The following PTPRT variants were observed in gnomAD, a reference collection of about 807,000 sequenced individuals.
PTPRT encodes receptor-type tyrosine-protein phosphatase T.
A neutral mutation model predicts 176.8 loss-of-function variants in PTPRT; 56 were observed. The observed-to-expected ratio is 0.32, with a 90% confidence interval of 0.26 to 0.40. The LOEUF (loss-of-function observed/expected upper bound fraction) is 0.40, where lower values mean the gene tolerates loss of function less well. PTPRT is among the 10% of genes least tolerant of loss of function. The pLI is 1.00. For missense variants in PTPRT, 1,540 were observed against 1,908.2 expected (o/e 0.81, Z 3.60); for synonymous variants, 783 against 739.0 (o/e 1.06, Z -0.96).
At chr20:42,227,238 G>A (rs1303674938) in intron 15 of PTPRT, among the ~76,000 whole-genome samples, 2 of 152,106 alleles carry the variant, frequency 1.3e-5, no homozygotes, top group Non-Finnish European at 2.9e-5. Flanking sequence ...AAAAAGAAAG[G>A]GAGTGGGCAG....
intron 21 of PTPRT, chr20:42,116,221 A>T (rs1373263575): frequency 1.6e-6 from 1 of 628,174 alleles, no homozygotes; most frequent in Non-Finnish European, 2.9e-6. Flanking sequence ...AGGACTATTC[A>T]GCTTCTTTCT....
At chr20:42,332,651 T>G (rs994566939) in intron 11 of PTPRT, among the ~76,000 whole-genome samples, 19 of 152,202 alleles carry the variant, frequency 1.2e-4, no homozygotes, top group Non-Finnish European at 2.4e-4. Flanking sequence ...CATTTTTTTT[T>G]TTTGAGAATA....
chr20:42,495,882 G>T lies in PTPRT; in HGVS notation c.1154-23320C>A, dbSNP rs535143335. The stretch of plus-strand genomic sequence containing the variant: ...CTTGTATATAATGCAAGGGTTAGAG[G>T]TGCCAACCTCCCACCCCCACACAGT... On this transcript the variant is annotated intron_variant, in intron 7 of 30. Transcript: ENST00000373187. Among the ~76,000 whole-genome samples the T allele has an allele frequency of 1.3e-4, 20 of 152,152 alleles. No homozygotes were observed. The South Asian group carries it at 4.2e-3, about 32-fold the overall frequency.
intron 9 of PTPRT, among the ~76,000 whole-genome samples, chr20:42,383,387 C>G (rs2058714321): frequency 6.6e-6 from 1 of 150,742 alleles, no homozygotes; most frequent in South Asian, 2.1e-4. Flanking sequence ...TCTTGCCATG[C>G]TGGCAGAAGG....
At position 42,166,936 on chromosome 20, in the gene PTPRT, G is replaced by A. The variant is rs200015586; in HGVS notation, c.2492-5394C>T. The stretch of plus-strand genomic sequence containing the variant: ...GACTCCATCTTAGAAAAAAAAAAAA[G>A]GGGGGTCTGTTCATGTTGCATGAGG... On this transcript the variant is annotated intron_variant, in intron 16 of 30. Coordinates refer to ENST00000373187, the MANE Select transcript of PTPRT (RefSeq NM_007050.6). Among the ~76,000 whole-genome samples, 1,314 of 150,018 alleles carry A rather than the reference G, an allele frequency of 8.8e-3. 22 individuals are homozygous for A. Among genetic ancestry groups the A allele is most frequent in the African/African-American group, 0.03 (1,216 of 39,874 alleles).
At chr20:42,622,615 T>C (rs1016460442) in intron 7 of PTPRT, among the ~76,000 whole-genome samples, 1 of 151,718 alleles carries the variant, frequency 6.6e-6, no homozygotes, top group Non-Finnish European at 1.5e-5. Flanking sequence ...TTTGGCTCCA[T>C]TGTTGGGTGG....
At chr20:42,723,260 A>AT (rs1371776128) in intron 6 of PTPRT, among the ~76,000 whole-genome samples, 1 of 152,090 alleles carries the variant, frequency 6.6e-6, no homozygotes, top group African/African-American at 2.4e-5. Flanking sequence ...TACCATCTTC[A>AT]TTTTGCCAAT....
intron 1 of PTPRT, among the ~76,000 whole-genome samples, chr20:42,978,264 G>A (rs1983070201): frequency 6.6e-6 from 1 of 152,206 alleles, no homozygotes; most frequent in Non-Finnish European, 1.5e-5. Flanking sequence ...ATCAAAGTAT[G>A]TGAATGTGAT....
rs145416917 is a variant in PTPRT, at chr20:43,105,097, A to G, written c.88+84549T>C. Among the ~76,000 whole-genome samples the G allele has an allele frequency of 2.5e-3, 379 of 152,254 alleles. 2 individuals carry two copies. Among genetic ancestry groups the G allele is most frequent in the African/African-American group, 8.7e-3 (363 of 41,552 alleles). ...GGTCTGGAAACACATCCAGATGGAC[A>G]GGGGAAGGTAGAGTGTAAGCAAGGT... On this transcript the variant is annotated intron_variant, in intron 1 of 30. Transcript: ENST00000373187.
At chr20:42,472,682 G>A in intron 7 of PTPRT, 120 bp from the exon 8 acceptor site, 1 of 1,008,662 alleles carries the variant, frequency 9.9e-7, no homozygotes, top group Non-Finnish European at 1.4e-6. Context: ...TTCAATCACT[G>A]CCATCATGAT....
chr20:42,130,161 G>A (rs1018447100), intron 18 of PTPRT, among the ~76,000 whole-genome samples: 1 of 152,222 alleles, frequency 6.6e-6, no homozygotes, highest in Non-Finnish European at 1.5e-5. Context: ...AACCACTTCA[G>A]ATATACCCAG....
intron 13 of PTPRT, among the ~76,000 whole-genome samples, chr20:42,260,928 C>T (rs1275184444): frequency 3.3e-5 from 5 of 152,184 alleles, no homozygotes; most frequent in African/African-American, 1.2e-4. Flanking sequence ...CTCTGGATGG[C>T]AGCTCTTGGC....
intron 18 of PTPRT, among the ~76,000 whole-genome samples, chr20:42,136,232 CTTTTTTTTTTT>C (rs397864699): frequency 1.3e-4 from 8 of 63,036 alleles, no homozygotes; most frequent in South Asian, 9.0e-4. Flanking sequence ...AAGAACAGTG[CTTTTTTTTTTT>C]TTTTTTTTTT....
At chr20:42,543,963 T>A (rs371008811) in intron 7 of PTPRT, among the ~76,000 whole-genome samples, 10 of 152,190 alleles carry the variant, frequency 6.6e-5, no homozygotes, top group African/African-American at 2.4e-4. Context: ...TAAACAAATG[T>A]GCTGTCATCC....
Position 42,358,705 on chromosome 20 carries a change from T to G in PTPRT, c.1561-6420A>C, listed in dbSNP as rs543107365. On this transcript the variant is annotated intron_variant, in intron 9 of 30. Coordinates refer to ENST00000373187, the MANE Select transcript of PTPRT (RefSeq NM_007050.6). ...TTGTGCAAAGTAGAAAAGGTGCCTGTCTCAACTCAGTCTCAGCCCCCTGTA... is the reference window on the plus strand; with the variant it reads ...TTGTGCAAAGTAGAAAAGGTGCCTGGCTCAACTCAGTCTCAGCCCCCTGTA... Among the ~76,000 whole-genome samples, 4 of 152,330 alleles carry G rather than the reference T, an allele frequency of 2.6e-5. No homozygotes were observed. In the East Asian group the frequency reaches 5.8e-4, roughly 22 times the overall value.
intron 1 of PTPRT, among the ~76,000 whole-genome samples, chr20:43,055,094 A>G (rs980112853): frequency 1.3e-5 from 2 of 152,194 alleles, no homozygotes; most frequent in Non-Finnish European, 2.9e-5. Context: ...AAGCAATTTT[A>G]TTAATATACT....
At chr20:42,979,374 A>C (rs1416883318) in intron 1 of PTPRT, among the ~76,000 whole-genome samples, 1 of 152,092 alleles carries the variant, frequency 6.6e-6, no homozygotes, top group Non-Finnish European at 1.5e-5. Context: ...ACAAATGTTT[A>C]TGAATTTTAC....
At chr20:42,829,979 C>G (rs559192562) in intron 2 of PTPRT, among the ~76,000 whole-genome samples, 1 of 151,988 alleles carries the variant, frequency 6.6e-6, no homozygotes, top group African/African-American at 2.4e-5. Context: ...AAAACAAGCC[C>G]AGGACCAGAA....
Position 42,276,558 on chromosome 20 carries a change from T to TATA in PTPRT, c.2176+5930_2176+5931insTAT, listed in dbSNP as rs1568731969. ...ATATATATATATATATATATATATATAATGTTCTTGAATACTTGGTAGAAA... is the reference window on the plus strand; with the variant it reads ...ATATATATATATATATATATATATATATAAATGTTCTTGAATACTTGGTAGAAA... On this transcript the variant is annotated intron_variant, in intron 13 of 30. Coordinates refer to ENST00000373187, the MANE Select transcript of PTPRT (RefSeq NM_007050.6). Among the ~76,000 whole-genome samples, 37 of 91,278 alleles carry TATA rather than the reference T, an allele frequency of 4.1e-4. 1 individual carries two copies. The highest frequency in any genetic ancestry group is 7.6e-4 in the Non-Finnish European group (33 of 43,600). The allele number at this position is 91,278 out of a possible 152,430, so 59.9% of individuals were successfully genotyped here.
Sources: gnomAD v4.1 joint callset for allele counts (sites outside exome capture counted in the v4.1 genomes callset) on GRCh38, gnomAD v4.1.1 for gene constraint, MANE v1.5 for transcripts, NCBI Gene and HGNC (gene_info 2026-07-23, HGNC 2026-07-21) for gene names.